OXCT1: variants seen among roughly 807,000 people sequenced by gnomAD.
OXCT1 encodes succinyl-CoA:3-ketoacid coenzyme A transferase 1, mitochondrial.
Under a neutral mutation model 69.6 loss-of-function variants are expected in OXCT1, and 27 were observed. The ratio of observed to expected loss-of-function variants is 0.39; its 90% CI spans 0.29 to 0.54. The LOEUF (loss-of-function observed/expected upper bound fraction) is 0.54. Among genes scored for constraint, OXCT1 ranks in the 20% least tolerant of loss-of-function variants. The pLI is 0.72. For missense variants in OXCT1, 437 were observed against 650.2 expected, an observed-to-expected ratio of 0.67 and a Z score of 3.57; for synonymous variants, 202 against 217.8, an observed-to-expected ratio of 0.93 and a Z score of 0.64.
At position 41,730,240 on chromosome 5, in the gene OXCT1, T is replaced by A. The variant is rs775923342; in HGVS notation, c.*1489A>T. On this transcript the variant is annotated 3_prime_UTR_variant, in exon 17 of 17. Coordinates refer to ENST00000196371, the MANE Select transcript of OXCT1 (RefSeq NM_000436.4). ...AATTCTTTTCAAAATCATATCAATA[T>A]ATTACTCTCATGGAACTTGCACATT... is the stretch of plus-strand genomic sequence containing the variant. 3.3e-5 allele frequency: 5 copies of A among 152,234 alleles called. No individual in the cohort carries two copies. Among genetic ancestry groups the A allele is most frequent in the African/African-American group, 4.8e-5 (2 of 41,456 alleles). The allele number at this position is 152,234 out of a possible 1,614,324, so 9.4% of individuals were successfully genotyped here.
chr5:41,848,831 C>T (rs971621518), intron 5 of OXCT1, among the ~76,000 whole-genome samples: 1 of 151,950 alleles, frequency 6.6e-6, no homozygotes, highest in Admixed American at 6.6e-5. Context: ...CATAAAAACT[C>T]TAGAAGAAAA....
chr5:41,794,581 AAT>A, intron 12 of OXCT1, 94 bp downstream of exon 12: 1 of 1,099,732 alleles, frequency 9.1e-7, no homozygotes, highest in Non-Finnish European at 1.4e-6. Flanking sequence ...CTGGCTGGGA[AAT>A]GTGGCTGTGT....
intron 13 of OXCT1, among the ~76,000 whole-genome samples, chr5:41,763,918 T>C (rs1016305101): frequency 6.6e-5 from 10 of 152,206 alleles, no homozygotes; most frequent in African/African-American, 2.4e-4. Context: ...ATCTGATTTA[T>C]ACATTTTAAA....
intron 7 of OXCT1, among the ~76,000 whole-genome samples, chr5:41,814,474 C>A (rs1747134315): frequency 6.6e-6 from 1 of 151,846 alleles, no homozygotes; most frequent in South Asian, 2.1e-4. Flanking sequence ...TAGAACCAAC[C>A]CAAATGTCCA....
intron 7 of OXCT1, among the ~76,000 whole-genome samples, chr5:41,833,028 C>T (rs1351182260): frequency 6.6e-6 from 1 of 151,794 alleles, no homozygotes; most frequent in Non-Finnish European, 1.5e-5. Flanking sequence ...CTCGAAAGGG[C>T]CAATACTAAG....
chr5:41,830,927 C>T (rs752929294), intron 7 of OXCT1, among the ~76,000 whole-genome samples: 1 of 152,168 alleles, frequency 6.6e-6, no homozygotes, highest in African/African-American at 2.4e-5. Flanking sequence ...ATTAATTGGC[C>T]TGCTTAATAA....
chr5:41,731,518 AATGAG>A lies in OXCT1; in HGVS notation c.*206_*210del. ...AAAAACAACCTTCTCAGCCTTAACA[AATGAG>A]ATAATTATAAATGCTCCTTTTGCTT... On this transcript the variant is annotated 3_prime_UTR_variant, in exon 17 of 17. Coordinates refer to ENST00000196371, the MANE Select transcript of OXCT1 (RefSeq NM_000436.4). 4 of 913,222 alleles carry A rather than the reference AATGAG, an allele frequency of 4.4e-6. No homozygotes were observed. Among genetic ancestry groups the A allele is most frequent in the Non-Finnish European group, 6.4e-6 (4 of 627,618 alleles). The allele number at this position is 913,222 out of a possible 1,614,324, so 56.6% of individuals were successfully genotyped here. A position where few individuals can be genotyped will look rare whatever the true frequency, so the allele number is the denominator to read the frequency against.
At chr5:41,784,621 C>T (rs1442212751) in intron 13 of OXCT1, among the ~76,000 whole-genome samples, 5 of 152,200 alleles carry the variant, frequency 3.3e-5, no homozygotes, top group African/African-American at 9.7e-5. Flanking sequence ...AATTCCACTT[C>T]TCTTTTCATC....
chr5:41,833,591 A>G (rs1188813608), intron 7 of OXCT1, among the ~76,000 whole-genome samples: 1 of 152,070 alleles, frequency 6.6e-6, no homozygotes, highest in Non-Finnish European at 1.5e-5. Context: ...ACTCACTGGT[A>G]ATAATAAGCA....
intron 5 of OXCT1, among the ~76,000 whole-genome samples, chr5:41,846,957 G>A (rs985802301): frequency 7.9e-5 from 12 of 151,964 alleles, no homozygotes; most frequent in South Asian, 2.1e-4. Flanking sequence ...CATGTCCTTC[G>A]CCCACTTTTT....
At chr5:41,831,307 C>T (rs900321236) in intron 7 of OXCT1, among the ~76,000 whole-genome samples, 1 of 152,172 alleles carries the variant, frequency 6.6e-6, no homozygotes, top group African/African-American at 2.4e-5. Flanking sequence ...AAGGCTCCAC[C>T]ATCAGTTAGC....
Position 41,803,050 on chromosome 5 carries a change from A to G in OXCT1, c.1050+19T>C. On this transcript the variant is annotated intron_variant, in intron 10 of 16. Coordinates refer to ENST00000196371, the MANE Select transcript of OXCT1 (RefSeq NM_000436.4). ...TTCTTCATTAAGACTGGATTTTAGAAAACAAATTTTCATCTTACCAAACCC... is the reference window on the plus strand; with the variant it reads ...TTCTTCATTAAGACTGGATTTTAGAGAACAAATTTTCATCTTACCAAACCC... The G allele has an allele frequency of 6.4e-7, 1 of 1,553,926 alleles. No individual in the cohort carries two copies. The highest frequency in any genetic ancestry group is 8.9e-7 in the Non-Finnish European group (1 of 1,125,672).
intron 1 of OXCT1, among the ~76,000 whole-genome samples, chr5:41,869,864 A>T (rs1480896355): frequency 6.6e-6 from 1 of 152,030 alleles, no homozygotes. Flanking sequence ...TCGGGGGCGC[A>T]AACCTACCCG....
intron 13 of OXCT1, among the ~76,000 whole-genome samples, chr5:41,770,344 A>G (rs76600136): frequency 0.014 from 2,146 of 152,338 alleles, 96 homozygotes; most frequent in South Asian, 0.079. Flanking sequence ...GCAAAGCTAT[A>G]GAGAAGAAAA....
chr5:41,750,442 T>C (rs1381344530), intron 14 of OXCT1, among the ~76,000 whole-genome samples: 1 of 152,032 alleles, frequency 6.6e-6, no homozygotes, highest in African/African-American at 2.4e-5. Flanking sequence ...TTCAGATCAT[T>C]TTCTTCTGTT....
intron 7 of OXCT1, among the ~76,000 whole-genome samples, chr5:41,827,489 T>C (rs527403719): frequency 2.0e-5 from 3 of 152,330 alleles, no homozygotes; most frequent in East Asian, 3.9e-4. Context: ...GTGAAAGTGA[T>C]TTGAAAAGCC....
At chr5:41,814,379 A>C (rs988451898) in intron 7 of OXCT1, among the ~76,000 whole-genome samples, 18 of 152,164 alleles carry the variant, frequency 1.2e-4, no homozygotes, top group African/African-American at 4.1e-4. Flanking sequence ...ACTATTAAAC[A>C]TGACAGAAAT....
At chr5:41,750,134 G>GT (rs1743697257) in intron 14 of OXCT1, among the ~76,000 whole-genome samples, 2 of 85,814 alleles carry the variant, frequency 2.3e-5, no homozygotes, top group African/African-American at 4.7e-5. Flanking sequence ...TGTGTTTTTT[G>GT]GTTTTTTTTT....
intron 16 of OXCT1, among the ~76,000 whole-genome samples, chr5:41,737,120 T>C (rs1742922986): frequency 6.6e-6 from 1 of 152,364 alleles, no homozygotes; most frequent in East Asian, 1.9e-4. Context: ...GAGATGCCAT[T>C]GATCGTCAGA....
Sources: gnomAD v4.1 joint callset for allele counts (sites outside exome capture counted in the v4.1 genomes callset) on GRCh38, gnomAD v4.1.1 for gene constraint, MANE v1.5 for transcripts, NCBI Gene and HGNC (gene_info 2026-07-23, HGNC 2026-07-21) for gene names.